The following PTK2 variants were observed in gnomAD, a reference collection of about 807,000 sequenced individuals.
The protein encoded by PTK2 is protein tyrosine kinase 2.
Under a neutral mutation model 150.1 loss-of-function variants are expected in PTK2, and 45 were observed. That is an observed-to-expected ratio of 0.30 (90% CI 0.24 to 0.38). The LOEUF is 0.38. Among genes scored for constraint, PTK2 ranks in the 10% least tolerant of loss-of-function variants. The probability of loss-of-function intolerance (pLI) is 1.00; values close to 1 mark genes in which losing one functional copy is unlikely to be tolerated. For synonymous variants in PTK2, 432 were observed against 449.2 expected (o/e 0.96, Z 0.48); for missense variants, 919 against 1,307.3 (o/e 0.70, Z 4.58).
chr8:140,848,951 T>G (rs1450841658), intron 5 of PTK2, among the ~76,000 whole-genome samples: 1 of 152,128 alleles, frequency 6.6e-6, no homozygotes, highest in Non-Finnish European at 1.5e-5. Flanking sequence ...TGCCACAATT[T>G]TTAAACACTA....
intron 23 of PTK2, among the ~76,000 whole-genome samples, chr8:140,713,154 T>C (rs1162488256): frequency 1.3e-5 from 2 of 152,248 alleles, no homozygotes; most frequent in African/African-American, 4.8e-5. Context: ...TTTTTTCTTT[T>C]TGTGTGAGCA....
At chr8:140,804,611 G>C (rs551543118) in intron 10 of PTK2, among the ~76,000 whole-genome samples, 1 of 152,286 alleles carries the variant, frequency 6.6e-6, no homozygotes, top group South Asian at 2.1e-4. Flanking sequence ...CATTTTGCAT[G>C]TGAAGATTCC....
intron 5 of PTK2, among the ~76,000 whole-genome samples, chr8:140,853,182 G>A (rs566241763): frequency 4.7e-4 from 68 of 143,920 alleles, no homozygotes; most frequent in African/African-American, 1.6e-3. Flanking sequence ...CTTTGCATAT[G>A]ATGTCACACT....
chr8:140,726,926 T>G (rs2100046190), intron 22 of PTK2, among the ~76,000 whole-genome samples: 2 of 152,316 alleles, frequency 1.3e-5, no homozygotes, highest in South Asian at 4.1e-4. Flanking sequence ...ACATGACAAT[T>G]TCAGCATAAT....
At chr8:141,001,992 A>G (rs1461657542), upstream of PTK2, 2 of 152,220 alleles carry the variant, frequency 1.3e-5, no homozygotes, top group Non-Finnish European at 2.9e-5. Context: ...GAGCCCTGCA[A>G]TCCCTCCCGA....
At chr8:140,897,809 T>C (rs1167260337) in intron 2 of PTK2, among the ~76,000 whole-genome samples, 1 of 152,258 alleles carries the variant, frequency 6.6e-6, no homozygotes, top group African/African-American at 2.4e-5. Flanking sequence ...ATTCTTTGTG[T>C]GTCTCTAAAT....
intron 5 of PTK2, among the ~76,000 whole-genome samples, chr8:140,847,400 C>T (rs1598436488): frequency 1.3e-5 from 2 of 152,170 alleles, no homozygotes; most frequent in East Asian, 1.9e-4. Flanking sequence ...TTTTAAAAGC[C>T]GATAAGAGTG....
intron 1 of PTK2, among the ~76,000 whole-genome samples, chr8:140,948,306 C>G (rs1036552275): frequency 2.0e-5 from 3 of 152,038 alleles, no homozygotes; most frequent in African/African-American, 7.2e-5. Flanking sequence ...CTTGTAGTTG[C>G]AGATAAAATA....
At chr8:140,730,953 A>ACCCCC (rs10713091) in intron 22 of PTK2, among the ~76,000 whole-genome samples, 3 of 96,624 alleles carry the variant, frequency 3.1e-5, no homozygotes, top group Non-Finnish European at 4.0e-5. Context: ...ATTAAATTAA[A>ACCCCC]CCCCCCCCCC....
intron 1 of PTK2, among the ~76,000 whole-genome samples, chr8:140,936,230 A>G (rs1282751744): frequency 6.6e-6 from 1 of 152,216 alleles, no homozygotes; most frequent in Non-Finnish European, 1.5e-5. Flanking sequence ...TAATAAAATC[A>G]ATTGTGGGAA....
At chr8:140,772,993 T>C (rs1247972929) in intron 14 of PTK2, among the ~76,000 whole-genome samples, 1 of 152,196 alleles carries the variant, frequency 6.6e-6, no homozygotes, top group African/African-American at 2.4e-5. Flanking sequence ...TAACAGAAGC[T>C]ACCTCCATTA....
At chr8:140,873,365 A>C (rs912483435) in intron 4 of PTK2, among the ~76,000 whole-genome samples, 1 of 152,230 alleles carries the variant, frequency 6.6e-6, no homozygotes. Flanking sequence ...ATCAATAATG[A>C]AGTTGACAGT....
intron 26 of PTK2, among the ~76,000 whole-genome samples, chr8:140,700,248 T>C (rs1213517037): frequency 1.3e-5 from 2 of 152,164 alleles, no homozygotes; most frequent in Admixed American, 6.6e-5. Flanking sequence ...GGCACAATCA[T>C]AGCTTACCGT....
At chr8:140,993,967 C>A (rs551769690) in intron 1 of PTK2, among the ~76,000 whole-genome samples, 32 of 152,192 alleles carry the variant, frequency 2.1e-4, no homozygotes, top group African/African-American at 7.0e-4. Flanking sequence ...TGGGCTCAAG[C>A]GATCTGTCCA....
chr8:140,897,642 AAAG>A (rs1333567398), intron 2 of PTK2, among the ~76,000 whole-genome samples: 16 of 152,182 alleles, frequency 1.1e-4, no homozygotes, highest in Admixed American at 9.8e-4. Flanking sequence ...TGGTCAGTTC[AAAG>A]AATGGCCTCA....
chr8:140,835,505 C>T (rs2100118187), intron 7 of PTK2, among the ~76,000 whole-genome samples: 1 of 152,084 alleles, frequency 6.6e-6, no homozygotes, highest in Non-Finnish European at 1.5e-5. Flanking sequence ...GGTACTTTCA[C>T]CTCTAAATTA....
chr8:140,737,178 T>C (rs1275289743), intron 21 of PTK2, among the ~76,000 whole-genome samples: 1 of 152,186 alleles, frequency 6.6e-6, no homozygotes, highest in Non-Finnish European at 1.5e-5. Flanking sequence ...TCACAGCTCA[T>C]TGCAGCCTCC....
chr8:140,867,343 A>G (rs2154606209), intron 4 of PTK2, among the ~76,000 whole-genome samples: 1 of 152,346 alleles, frequency 6.6e-6, no homozygotes, highest in South Asian at 2.1e-4. Context: ...CAGATTGGCA[A>G]GAGAATTTTA....
At chr8:140,941,657 A>G (rs1173602492) in intron 1 of PTK2, among the ~76,000 whole-genome samples, 1 of 152,134 alleles carries the variant, frequency 6.6e-6, no homozygotes, top group Non-Finnish European at 1.5e-5. Context: ...AAAATGCTAA[A>G]TGGCTGCTCC....
Sources: allele counts gnomAD v4.1 joint callset (sites outside exome capture counted in the v4.1 genomes callset), GRCh38; gene constraint gnomAD v4.1.1; transcripts MANE v1.5; gene names NCBI Gene and HGNC (gene_info 2026-07-23, HGNC 2026-07-21).